SPART: variants seen among roughly 807,000 people sequenced by gnomAD.
SPART encodes the protein spartin.
SPART carries 35 observed loss-of-function variants against 58.7 expected under a neutral mutation model. That is an observed-to-expected ratio of 0.60 (90% CI 0.46 to 0.79). SPART has a LOEUF of 0.79. Among genes scored for constraint, SPART ranks in the 30% least tolerant of loss-of-function variants. The pLI is 0.00. For synonymous variants in SPART, 284 were observed against 280.7 expected (o/e 1.01, Z -0.12); for missense variants, 730 against 786.1 (o/e 0.93, Z 0.85).
intron 1 of SPART, among the ~76,000 whole-genome samples, chr13:36,352,025 C>T (rs1016392658): frequency 6.6e-6 from 1 of 152,114 alleles, no homozygotes; most frequent in Non-Finnish European, 1.5e-5. Context: ...GCTCCAAGCT[C>T]ATGTTGAAAT....
chr13:36,320,043 C>T (rs997972794), intron 5 of SPART, among the ~76,000 whole-genome samples: 4 of 152,186 alleles, frequency 2.6e-5, no homozygotes, highest in Non-Finnish European at 4.4e-5. Context: ...GCCCTTCTGT[C>T]CAAACAACTT....
intron 1 of SPART, among the ~76,000 whole-genome samples, chr13:36,357,634 A>G (rs1332340794): frequency 1.3e-5 from 2 of 152,268 alleles, no homozygotes; most frequent in Non-Finnish European, 2.9e-5. Flanking sequence ...AGAATTATGC[A>G]TTATTAAAAT....
At chr13:36,331,909 A>C (rs1469604415) in intron 2 of SPART, among the ~76,000 whole-genome samples, 2 of 152,190 alleles carry the variant, frequency 1.3e-5, no homozygotes, top group African/African-American at 4.8e-5. Context: ...ATAATAATCA[A>C]AGTAAATTAA....
At chr13:36,321,971 C>A (rs908349429) in intron 5 of SPART, among the ~76,000 whole-genome samples, 12 of 152,078 alleles carry the variant, frequency 7.9e-5, no homozygotes, top group Non-Finnish European at 1.6e-4. Context: ...AAAAAGCACC[C>A]CCACTGAGCA....
chr13:36,358,219 C>T lies in SPART; in HGVS notation c.-3+11870G>A, dbSNP rs560075805. ...ATTTTCAAACGATTCTTCCCAGAAA[C>T]TCTTGTTTTTTTGTTATTCAATCAT... On this transcript the variant is annotated intron_variant, in intron 1 of 8. Coordinates refer to the SPART transcript ENST00000355182. 2.0e-4 allele frequency among the ~76,000 whole-genome samples: 30 copies of T among 152,218 alleles called. No homozygotes were observed. The East Asian group carries it at 4.8e-3, about 24-fold the overall frequency.
Position 36,314,407 on chromosome 13 carries a change from T to A in SPART, c.1303A>T (p.Ser435Cys). 1 of 1,614,122 alleles carries A rather than the reference T, an allele frequency of 6.2e-7. No individual in the cohort carries two copies. The highest frequency in any genetic ancestry group is 2.2e-5 in the East Asian group (1 of 44,868). The stretch of plus-strand genomic sequence containing the variant: ...TCAGCACCTTTGACTAAACCCCAAC[T>A]CACCCAGGAAGCACCTTTTTAAAAG... ...HNILSGASWV[S>C]WGLVKGAEIT... Residue 435 changes from serine (S) to cysteine (C), a missense_variant, in exon 6 of 9, where the codon AGT becomes TGT. Coordinates refer to ENST00000438666, the MANE Select transcript of SPART (RefSeq NM_015087.5).
At chr13:36,319,612 T>G (rs372812309) in intron 5 of SPART, among the ~76,000 whole-genome samples, 1 of 144,574 alleles carries the variant, frequency 6.9e-6, no homozygotes, top group Non-Finnish European at 1.5e-5. Context: ...TGTTTTGCCT[T>G]TCCACCCCAT....
intron 8 of SPART, among the ~76,000 whole-genome samples, chr13:36,307,418 C>T (rs1880622563): frequency 6.6e-6 from 1 of 152,026 alleles, no homozygotes; most frequent in African/African-American, 2.4e-5. Flanking sequence ...AATTAAATTT[C>T]ACTAAACAAA....
At chr13:36,339,627 C>CAAAAAAAA (rs71084420) in intron 1 of SPART, among the ~76,000 whole-genome samples, 49 of 38,796 alleles carry the variant, frequency 1.3e-3, no homozygotes, top group South Asian at 1.8e-3. Context: ...ACGACTCCAT[C>CAAAAAAAA]AAAAAAAAAA....
At chr13:36,348,424 A>G (rs1188872017), upstream of SPART, among the ~76,000 whole-genome samples, 1 of 152,278 alleles carries the variant, frequency 6.6e-6, no homozygotes, top group African/African-American at 2.4e-5. Flanking sequence ...TAAAACATGT[A>G]GAATTTCTAT....
chr13:36,333,253 A>G (rs915329992), intron 2 of SPART, among the ~76,000 whole-genome samples: 1 of 152,098 alleles, frequency 6.6e-6, no homozygotes, highest in Non-Finnish European at 1.5e-5. Context: ...AACAGGTTTA[A>G]AAAGTATTTG....
chr13:36,361,015 A>G (rs1885836843), intron 1 of SPART, among the ~76,000 whole-genome samples: 1 of 152,222 alleles, frequency 6.6e-6, no homozygotes, highest in Admixed American at 6.5e-5. Flanking sequence ...TACTCACATT[A>G]GACACAGACA....
chr13:36,302,263 A>T lies in SPART; in HGVS notation c.*2102T>A, dbSNP rs1022854799. The T allele has an allele frequency of 6.6e-6, 1 of 151,864 alleles. No homozygotes were observed. The highest frequency in any genetic ancestry group is 1.5e-5 in the Non-Finnish European group (1 of 67,988). 9.4% of individuals were successfully genotyped at this position (151,864 alleles called of 1,614,324 possible). A position where few individuals can be genotyped will look rare whatever the true frequency, so the allele number is the denominator to read the frequency against. On this transcript the variant is annotated 3_prime_UTR_variant, in exon 9 of 9. Transcript: ENST00000438666. ...CTATATATCAATCATTACACAATATAAAAAAAATCTTTAGAAGATGCCTAT... is the reference window on the plus strand; with the variant it reads ...CTATATATCAATCATTACACAATATTAAAAAAATCTTTAGAAGATGCCTAT...
Position 36,329,509 on chromosome 13 carries a change from C to T in SPART, c.1017G>A (p.Trp339Ter). The change falls in exon 4 of 9, where the codon TGG becomes TGA. Residue 339 changes from tryptophan (W) to a stop codon, truncating the protein, a stop_gained. Coordinates refer to ENST00000438666, the MANE Select transcript of SPART (RefSeq NM_015087.5). LOFTEE classifies it high-confidence loss of function. ...ATTCATTTTCTTCTTCTGCTCTGTT[C>T]CAGTTGGCCTAGAGAATAAAGGTTT... Reference protein sequence around the residue: ...QMSDLRLQANWNRAEEENEFQ... With the variant: ...QMSDLRLQAN The T allele has an allele frequency of 1.2e-6, 2 of 1,614,084 alleles. No individual in the cohort carries two copies. Among genetic ancestry groups the T allele is most frequent in the East Asian group, 2.2e-5 (1 of 44,858 alleles).
At chr13:36,361,876 C>G (rs940450033) in intron 1 of SPART, among the ~76,000 whole-genome samples, 1 of 152,240 alleles carries the variant, frequency 6.6e-6, no homozygotes. Flanking sequence ...TATTTTTGCT[C>G]TTTGGTTTTA....
chr13:36,333,567 T>A lies in SPART; in HGVS notation c.810+1454A>T, dbSNP rs990076450. Among the ~76,000 whole-genome samples the A allele has an allele frequency of 4.6e-5, 7 of 152,212 alleles. No individual in the cohort carries two copies. In the East Asian group the frequency reaches 1.2e-3, roughly 25 times the overall value. ...CTCAAATTAAATTTTGGGTGCAATT[T>A]TACTTTTCGTTTAGGACAAAAAATA... On this transcript the variant is annotated intron_variant, in intron 2 of 8. Coordinates refer to ENST00000438666, the MANE Select transcript of SPART (RefSeq NM_015087.5).
At chr13:36,365,114 C>T (rs978399686) in intron 1 of SPART, among the ~76,000 whole-genome samples, 6 of 152,222 alleles carry the variant, frequency 3.9e-5, no homozygotes, top group Admixed American at 2.0e-4. Flanking sequence ...CTCCTTTCCA[C>T]GTGTCCTGCT....
chr13:36,355,731 T>C (rs1366546925), intron 1 of SPART, among the ~76,000 whole-genome samples: 1 of 152,208 alleles, frequency 6.6e-6, no homozygotes, highest in Non-Finnish European at 1.5e-5. Flanking sequence ...CTTTTAAAAT[T>C]TAACCTGAGA....
chr13:36,322,428 CAG>C (rs138227766), intron 5 of SPART, among the ~76,000 whole-genome samples: 25,563 of 152,090 alleles, frequency 0.17, 2,281 homozygotes, highest in African/African-American at 0.22. Flanking sequence ...ACTTGGGTAA[CAG>C]AGCGAGACTC....
Sources: allele counts gnomAD v4.1 joint callset (sites outside exome capture counted in the v4.1 genomes callset), GRCh38; gene constraint gnomAD v4.1.1; transcripts MANE v1.5; gene names NCBI Gene and HGNC (gene_info 2026-07-23, HGNC 2026-07-21).